YTHDC1: variants seen among roughly 807,000 people sequenced by gnomAD.
YTHDC1 encodes the protein YTH domain-containing protein 1.
YTHDC1 carries 12 observed loss-of-function variants against 107.0 expected under a neutral mutation model. The observed-to-expected ratio is 0.11, with a 90% CI of 0.07 to 0.18. The LOEUF (loss-of-function observed/expected upper bound fraction) is 0.18. Ranked by LOEUF, YTHDC1 falls within the 10% of genes least tolerant of loss-of-function variation. The pLI is 1.00. For missense variants in YTHDC1, 635 were observed against 898.8 expected (o/e 0.71, Z 3.75); for synonymous variants, 280 against 289.5 (o/e 0.97, Z 0.33).
At chr4:68,339,260 A>T (rs1724554418) in intron 1 of YTHDC1, among the ~76,000 whole-genome samples, 1 of 152,214 alleles carries the variant, frequency 6.6e-6, no homozygotes, top group Admixed American at 6.5e-5. Context: ...TGCAAAATGG[A>T]AAAGCTGAAC....
At chr4:68,323,952 A>T (rs1029390915) in intron 10 of YTHDC1, among the ~76,000 whole-genome samples, 187 bp downstream of exon 10, 2 of 152,244 alleles carry the variant, frequency 1.3e-5, no homozygotes, top group African/African-American at 4.8e-5. Context: ...AAAGCTGCCT[A>T]TATTTCAACA....
intron 1 of YTHDC1, among the ~76,000 whole-genome samples, chr4:68,339,578 C>T (rs1360601250): frequency 6.7e-6 from 1 of 149,012 alleles, no homozygotes; most frequent in Non-Finnish European, 1.5e-5. Flanking sequence ...ACAAATGGTT[C>T]AGGAAAAAAG....
chr4:68,338,424 T>A, intron 1 of YTHDC1, 40 bp from the exon 2 acceptor site: 3 of 1,471,468 alleles, frequency 2.0e-6, no homozygotes, highest in East Asian at 4.7e-5. Flanking sequence ...AAAATCACTA[T>A]CATTGAACAT....
intron 9 of YTHDC1, among the ~76,000 whole-genome samples, chr4:68,325,642 G>A (rs2140519): frequency 1.4e-4 from 22 of 152,030 alleles, no homozygotes; most frequent in Non-Finnish European, 2.8e-4. Context: ...CTCAGCCTCC[G>A]AAAATGCTAG....
rs1239203374 is a variant in YTHDC1 at position 68,337,703 on chromosome 4, C to A, written c.328G>T (p.Asp110Tyr). ...YQRSERNKRLDADRKIRLSSS... is the reference protein window; with the variant it reads ...YQRSERNKRLYADRKIRLSSS... ...GATAGACGAATTTTCCGATCAGCAT[C>A]TAGACGCTTGTTTCTTTCAGATCTT... Residue 110 changes from aspartate to tyrosine, a missense_variant, in exon 3 of 17, where the codon GAT becomes TAT. Physicochemically the swap from Asp to Tyr is radical, Grantham distance 160 (BLOSUM62 -3). Transcript: ENST00000344157. 1 of 1,614,150 alleles carries A rather than the reference C, an allele frequency of 6.2e-7. No individual in the cohort carries two copies. The highest frequency in any genetic ancestry group is 8.5e-7 in the Non-Finnish European group (1 of 1,180,032).
chr4:68,333,472 T>C (rs1723816501), intron 4 of YTHDC1, 75 bp from the exon 5 acceptor site: 1 of 1,072,474 alleles, frequency 9.3e-7, no homozygotes, highest in Non-Finnish European at 1.4e-6. Flanking sequence ...GAATGTATCA[T>C]TACATGTCTA....
At chr4:68,318,265 A>C (rs976404034) in intron 15 of YTHDC1, among the ~76,000 whole-genome samples, 1 of 152,024 alleles carries the variant, frequency 6.6e-6, no homozygotes, top group African/African-American at 2.4e-5. Flanking sequence ...CACCCAGCTA[A>C]TGTTTTTTGT....
Position 68,347,712 on chromosome 4 carries a change from A to G in YTHDC1, c.28+2014T>C, listed in dbSNP as rs887084091. ...TGAGATTTTTAGAGGGTTTATCCTT[A>G]TAATTTCCTGTTTCATGTAAGACAA... On this transcript the variant is annotated intron_variant, in intron 1 of 16. Transcript: ENST00000344157. Among the ~76,000 whole-genome samples, 4 of 152,322 alleles carry G rather than the reference A, an allele frequency of 2.6e-5. No individual in the cohort carries two copies. In the East Asian group the frequency reaches 7.7e-4, roughly 29 times the overall value.
intron 1 of YTHDC1, among the ~76,000 whole-genome samples, chr4:68,341,824 GTCTT>G (rs1202157863): frequency 6.6e-6 from 1 of 152,110 alleles, no homozygotes; most frequent in Non-Finnish European, 1.5e-5. Flanking sequence ...GAAATTCCCA[GTCTT>G]TCTGAGTTCA....
chr4:68,349,146 T>G (rs568161886), intron 1 of YTHDC1, among the ~76,000 whole-genome samples: 27 of 152,296 alleles, frequency 1.8e-4, no homozygotes, highest in African/African-American at 6.5e-4. Context: ...CTTTCCAAAC[T>G]AAGTATTCCT....
chr4:68,332,248 A>G, intron 6 of YTHDC1, 51 bp from the exon 7 acceptor site: 1 of 1,302,244 alleles, frequency 7.7e-7, no homozygotes, highest in Non-Finnish European at 1.1e-6. Context: ...TTATCACACA[A>G]AGGGGTCAAA....
At chr4:68,343,939 T>C (rs763992737) in intron 1 of YTHDC1, 4 of 152,212 alleles carry the variant, frequency 2.6e-5, no homozygotes, top group Non-Finnish European at 5.9e-5. Flanking sequence ...ACACTAGCAG[T>C]CTAGAGGATA....
chr4:68,327,198 T>C (rs1355500652), intron 9 of YTHDC1, among the ~76,000 whole-genome samples: 1 of 151,894 alleles, frequency 6.6e-6, no homozygotes, highest in African/African-American at 2.4e-5. Context: ...ATTGCGCCAT[T>C]GCACTCTAGC....
chr4:68,325,151 C>G (rs1228057465), intron 9 of YTHDC1, among the ~76,000 whole-genome samples: 1 of 152,172 alleles, frequency 6.6e-6, no homozygotes, highest in Non-Finnish European at 1.5e-5. Flanking sequence ...AGCCAAAGTA[C>G]ATACAAAGAC....
intron 1 of YTHDC1, among the ~76,000 whole-genome samples, chr4:68,342,650 T>C (rs1313021024): frequency 6.6e-6 from 1 of 152,212 alleles, no homozygotes; most frequent in East Asian, 1.9e-4. Context: ...AAGCTTATAG[T>C]ATTAAGTTAT....
intron 4 of YTHDC1, among the ~76,000 whole-genome samples, chr4:68,334,936 C>T (rs1723990523): frequency 6.6e-6 from 1 of 151,986 alleles, no homozygotes; most frequent in Admixed American, 6.6e-5. Context: ...AGCAGAAGAT[C>T]CTACTCAATT....
chr4:68,315,648 C>A (rs1721776440), intron 16 of YTHDC1, among the ~76,000 whole-genome samples: 1 of 152,094 alleles, frequency 6.6e-6, no homozygotes, highest in South Asian at 2.1e-4. Context: ...ATTTAATAAA[C>A]TCAGCCCCAC....
rs1400834826 is a variant in YTHDC1 at position 68,350,003 on chromosome 4, A to T, written c.-250T>A. ...GTTAGGGCTCAGACTCGGGCTAGGT[A>T]TGGGGGAGGGAAGGGAAACAGATGG... On this transcript the variant is annotated 5_prime_UTR_variant, in exon 1 of 17. Transcript: ENST00000344157. 1.7e-6 allele frequency: 1 copy of T among 580,822 alleles called. No homozygotes were observed. Among genetic ancestry groups the T allele is most frequent in the Non-Finnish European group, 3.0e-6 (1 of 329,136 alleles). 36.0% of individuals were successfully genotyped at this position (580,822 alleles called of 1,614,324 possible). A position where few individuals can be genotyped will look rare whatever the true frequency, so the allele number is the denominator to read the frequency against.
intron 10 of YTHDC1, 34 bp downstream of exon 10, chr4:68,324,105 G>A (rs1289054002): frequency 9.6e-6 from 15 of 1,560,460 alleles, no homozygotes; most frequent in East Asian, 2.2e-5. Context: ...TTGATTAAAT[G>A]TGTTTTTTTA....
Sources: gnomAD v4.1 joint callset for allele counts (sites outside exome capture counted in the v4.1 genomes callset) on GRCh38, gnomAD v4.1.1 for gene constraint, MANE v1.5 for transcripts, NCBI Gene and HGNC (gene_info 2026-07-23, HGNC 2026-07-21) for gene names.